Variants in SLC25A31 observed in about 807,000 individuals in gnomAD.
The protein encoded by SLC25A31 is solute carrier family 25 member 31.
In SLC25A31, 40 loss-of-function variants were observed where a neutral mutation model predicts 36.2. That is an observed-to-expected ratio of 1.10 (90% confidence interval 0.86 to 1.44). The LOEUF is 1.44. Ranked by LOEUF, SLC25A31 falls within the 40% of genes most tolerant of loss-of-function variation. The pLI, the probability that SLC25A31 is intolerant of heterozygous loss-of-function variation, is 0.00. For synonymous variants in SLC25A31, 143 were observed against 149.7 expected, an observed-to-expected ratio of 0.96 and a Z score of 0.32; for missense variants, 350 against 397.1, an observed-to-expected ratio of 0.88 and a Z score of 1.01.
chr4:127,756,933 G>A (rs570506950), intron 2 of SLC25A31, among the ~76,000 whole-genome samples: 3 of 152,238 alleles, frequency 2.0e-5, no homozygotes, highest in South Asian at 2.1e-4. Context: ...TGCACCCACC[G>A]TATGATGCAT....
At chr4:127,747,791 G>C (rs1325806252) in intron 2 of SLC25A31, among the ~76,000 whole-genome samples, 1 of 152,128 alleles carries the variant, frequency 6.6e-6, no homozygotes, top group Non-Finnish European at 1.5e-5. Context: ...CAGCGTCAGG[G>C]TCTCCAAAAC....
At chr4:127,755,968 G>T (rs1732024059) in intron 2 of SLC25A31, among the ~76,000 whole-genome samples, 2 of 152,132 alleles carry the variant, frequency 1.3e-5, no homozygotes, top group Admixed American at 6.5e-5. Flanking sequence ...AGGAGGTGGA[G>T]GTTGCAGTGA....
intron 2 of SLC25A31, among the ~76,000 whole-genome samples, chr4:127,747,832 A>G (rs554101164): frequency 2.0e-5 from 3 of 152,352 alleles, no homozygotes; most frequent in African/African-American, 7.2e-5. Flanking sequence ...AGAAGGACAT[A>G]TAGAACTTAG....
intron 2 of SLC25A31, among the ~76,000 whole-genome samples, chr4:127,757,764 C>T (rs1256333342): frequency 2.6e-5 from 4 of 152,074 alleles, no homozygotes; most frequent in African/African-American, 9.7e-5. Flanking sequence ...TAAGCATTCC[C>T]TTTTTTTACA....
chr4:127,767,335 A>G, intron 4 of SLC25A31, 115 bp downstream of exon 4: 1 of 1,008,510 alleles, frequency 9.9e-7, no homozygotes, highest in Non-Finnish European at 1.4e-6. Context: ...TCAGTGATGA[A>G]AAAAGAGAGA....
At chr4:127,736,248 A>G (rs917945824) in intron 1 of SLC25A31, among the ~76,000 whole-genome samples, 3 of 152,172 alleles carry the variant, frequency 2.0e-5, no homozygotes, top group African/African-American at 4.8e-5. Flanking sequence ...TTTTATTTCA[A>G]TTCTTATTTA....
chr4:127,768,320 T>C (rs1400836869), intron 4 of SLC25A31, among the ~76,000 whole-genome samples: 5 of 151,986 alleles, frequency 3.3e-5, no homozygotes, highest in African/African-American at 7.3e-5. Flanking sequence ...GTGTACTCTG[T>C]CTCTAGTTTG....
At position 127,744,656 on chromosome 4, in the gene SLC25A31, A is replaced by T; in HGVS notation, c.233-16A>T. On this transcript the variant is annotated splice_polypyrimidine_tract_variant and intron_variant, in intron 1 of 5. Coordinates refer to ENST00000281154, the MANE Select transcript of SLC25A31 (RefSeq NM_031291.4). ...ATACAATGTAGGTTTATGTATTTAT[A>T]TGTTTCCCTCTGTAGGTTTCTTCAG... 2 of 1,580,776 alleles carry T rather than the reference A, an allele frequency of 1.3e-6. No homozygotes were observed. The highest frequency in any genetic ancestry group is 1.7e-6 in the Non-Finnish European group (2 of 1,166,182).
At chr4:127,736,883 T>G (rs1731643195) in intron 1 of SLC25A31, among the ~76,000 whole-genome samples, 1 of 152,274 alleles carries the variant, frequency 6.6e-6, no homozygotes, top group Admixed American at 6.5e-5. Flanking sequence ...GGGATAAACT[T>G]GCATTATGCA....
intron 2 of SLC25A31, among the ~76,000 whole-genome samples, chr4:127,762,103 C>T (rs1441928343): frequency 2.6e-5 from 4 of 152,184 alleles, no homozygotes; most frequent in Admixed American, 6.5e-5. Context: ...TTATTTAATA[C>T]ATATCTCTGG....
At chr4:127,742,130 T>C (rs1179604535) in intron 1 of SLC25A31, among the ~76,000 whole-genome samples, 1 of 152,228 alleles carries the variant, frequency 6.6e-6, no homozygotes, top group Non-Finnish European at 1.5e-5. Flanking sequence ...GATATTTTTC[T>C]ATTATTTTTG....
intron 1 of SLC25A31, among the ~76,000 whole-genome samples, chr4:127,735,223 C>T (rs1434149087): frequency 1.3e-5 from 2 of 152,120 alleles, no homozygotes; most frequent in Non-Finnish European, 2.9e-5. Flanking sequence ...GACAAGAAGA[C>T]TATTTGAAAT....
intron 1 of SLC25A31, among the ~76,000 whole-genome samples, chr4:127,742,189 C>T (rs1398079995): frequency 6.6e-6 from 1 of 152,138 alleles, no homozygotes; most frequent in Non-Finnish European, 1.5e-5. Context: ...TCAATTGGCC[C>T]ATGGAACTGA....
chr4:127,760,173 T>C (rs1409801959), intron 2 of SLC25A31, among the ~76,000 whole-genome samples: 4 of 152,200 alleles, frequency 2.6e-5, no homozygotes, highest in Non-Finnish European at 5.9e-5. Flanking sequence ...ACACATATGC[T>C]TAGTACACTG....
In SLC25A31 at chr4:127,749,032, A is replaced by G. The variant is rs532987350; in HGVS notation, c.360+4233A>G. 9.9e-5 allele frequency among the ~76,000 whole-genome samples: 15 copies of G among 152,170 alleles called. No homozygotes were observed. In the East Asian group the frequency reaches 2.7e-3, roughly 27 times the overall value. The stretch of plus-strand genomic sequence containing the variant: ...TGAATGAAAATAGGAAAACAAAACC[A>G]TACATGAACAAAATGGGAACTTTAA... On this transcript the variant is annotated intron_variant, in intron 2 of 5. Coordinates refer to ENST00000281154, the MANE Select transcript of SLC25A31 (RefSeq NM_031291.4).
At chr4:127,733,000 A>G (rs1731558338) in intron 1 of SLC25A31, among the ~76,000 whole-genome samples, 1 of 152,198 alleles carries the variant, frequency 6.6e-6, no homozygotes, top group Non-Finnish European at 1.5e-5. Flanking sequence ...AACCTGAATG[A>G]CTTTTAGATC....
chr4:127,744,800 G>A lies in SLC25A31; in HGVS notation c.360+1G>A. 6.8e-7 allele frequency: 1 copy of A among 1,479,918 alleles called. No individual in the cohort carries two copies. The allele number at this position is 1,479,918 out of a possible 1,614,324, so 91.7% of individuals were successfully genotyped here. ...GTCTGGAGTTAATAAAGAAAAACAGGTAATTATATTTTTTTTTTACTTTTT... is the reference window on the plus strand; with the variant it reads ...GTCTGGAGTTAATAAAGAAAAACAGATAATTATATTTTTTTTTTACTTTTT... On this transcript the variant is annotated splice_donor_variant, in intron 2 of 5. Coordinates refer to ENST00000281154, the MANE Select transcript of SLC25A31 (RefSeq NM_031291.4). LOFTEE classifies it high-confidence loss of function.
intron 2 of SLC25A31, among the ~76,000 whole-genome samples, chr4:127,748,461 C>T (rs1731863377): frequency 6.6e-6 from 1 of 152,118 alleles, no homozygotes; most frequent in Non-Finnish European, 1.5e-5. Context: ...TCCCAGGGAC[C>T]CACCCAGTCA....
intron 2 of SLC25A31, among the ~76,000 whole-genome samples, chr4:127,761,006 ACTT>A (rs2148762223): frequency 3.3e-5 from 1 of 30,422 alleles, no homozygotes; most frequent in African/African-American, 7.1e-5. Context: ...ACTCACTTAT[ACTT>A]ATATACATAC....
Sources: allele counts gnomAD v4.1 joint callset (sites outside exome capture counted in the v4.1 genomes callset), GRCh38; gene constraint gnomAD v4.1.1; transcripts MANE v1.5; gene names NCBI Gene and HGNC (gene_info 2026-07-23, HGNC 2026-07-21).